The following LRP12 variants were observed in gnomAD, a reference collection of about 807,000 sequenced individuals.
The protein encoded by LRP12 is LDL receptor related protein 12, also known as low-density lipoprotein receptor-related protein 12.
A neutral mutation model predicts 66.0 loss-of-function variants in LRP12; 14 were observed. That is an observed-to-expected ratio of 0.21 (90% CI 0.14 to 0.33). The LOEUF is 0.33. Ranked by LOEUF, LRP12 falls within the 10% of genes least tolerant of loss-of-function variation. The pLI is 1.00. For missense variants in LRP12, 889 were observed against 1,053.4 expected (o/e 0.84, Z 2.16); for synonymous variants, 357 against 359.1 (o/e 0.99, Z 0.07).
chr8:104,554,684 A>G (rs565337485), intron 1 of LRP12, among the ~76,000 whole-genome samples: 1 of 152,304 alleles, frequency 6.6e-6, no homozygotes, highest in South Asian at 2.1e-4. Flanking sequence ...TAGAAATCTG[A>G]AAGTTTGGAA....
chr8:104,547,871 T>A (rs994807989), intron 1 of LRP12, among the ~76,000 whole-genome samples: 25 of 129,252 alleles, frequency 1.9e-4, no homozygotes, highest in African/African-American at 6.6e-4. Flanking sequence ...AATATACAAT[T>A]CTGTTATATT....
At chr8:104,521,080 T>C (rs1168686489) in intron 2 of LRP12, among the ~76,000 whole-genome samples, 1 of 152,174 alleles carries the variant, frequency 6.6e-6, no homozygotes, top group East Asian at 1.9e-4. Flanking sequence ...TATTATAACA[T>C]ACAATGAGTA....
chr8:104,547,958 A>G (rs541891195), intron 1 of LRP12, among the ~76,000 whole-genome samples: 1 of 120,504 alleles, frequency 8.3e-6, no homozygotes, highest in Admixed American at 9.5e-5. Flanking sequence ...TGTATATACC[A>G]TTGTTATATT....
chr8:104,528,614 A>C (rs1811280578), intron 2 of LRP12, among the ~76,000 whole-genome samples: 3 of 152,116 alleles, frequency 2.0e-5, no homozygotes, highest in African/African-American at 7.2e-5. Flanking sequence ...GTCTCTATTA[A>C]AAATACAAAA....
intron 1 of LRP12, among the ~76,000 whole-genome samples, chr8:104,548,294 T>A (rs1256955436): frequency 1.6e-5 from 1 of 62,528 alleles, no homozygotes; most frequent in Non-Finnish European, 2.5e-5. Context: ...ATATCATATA[T>A]TTATATAATA....
chr8:104,561,645 T>C (rs182337007), intron 1 of LRP12, among the ~76,000 whole-genome samples: 5 of 152,300 alleles, frequency 3.3e-5, no homozygotes, highest in Non-Finnish European at 2.9e-5. Flanking sequence ...TGGTGTGTAT[T>C]TGTGTTCCTT....
At chr8:104,542,037 A>G (rs1228174544) in intron 1 of LRP12, among the ~76,000 whole-genome samples, 1 of 152,174 alleles carries the variant, frequency 6.6e-6, no homozygotes, top group African/African-American at 2.4e-5. Flanking sequence ...GGTGGGTCAT[A>G]TGGTATCCCT....
rs60575027 is a variant in LRP12, at chr8:104,528,654, A to G, written c.136+3253T>C. Reference sequence around the variant, plus strand: ...GCTGGGCGTGGTGGCGCACACCTGTAGTCCCAGCTACTTGGGAGACTGGGG... The same window carrying G: ...GCTGGGCGTGGTGGCGCACACCTGTGGTCCCAGCTACTTGGGAGACTGGGG... On this transcript the variant is annotated intron_variant, in intron 2 of 6. Transcript: ENST00000276654. Among the ~76,000 whole-genome samples the G allele has an allele frequency of 6.8e-3, 1,014 of 148,390 alleles. 7 individuals carry two copies. Among genetic ancestry groups the G allele is most frequent in the African/African-American group, 0.025 (955 of 38,024 alleles).
chr8:104,575,610 GAAA>G (rs200974931), intron 1 of LRP12, among the ~76,000 whole-genome samples: 4 of 150,718 alleles, frequency 2.7e-5, no homozygotes, highest in African/African-American at 9.8e-5. Flanking sequence ...GGATAAAAGG[GAAA>G]AAAAAATCCA....
chr8:104,588,867 G>C lies in LRP12; in HGVS notation c.31C>G (p.Pro11Ala). ...AAGAGCAACGCAGACCTCCACCGCG[G>C]AGACTCTTTTGTGCTCCAGCGACAG... MACRWSTKES[P>A]RWRSALLLLF... The change falls in exon 1 of 7, where the codon CCG (proline) becomes GCG (alanine). Residue 11 changes from proline to alanine, a missense_variant. Physicochemically the swap from Pro to Ala is conservative, Grantham distance 27. Around this residue, in one of 3 missense-constraint regions of LRP12, gnomAD observed 88 missense variants for 72.5 expected, o/e 1.21. Transcript: ENST00000276654. 6.2e-7 allele frequency: 1 copy of C among 1,611,824 alleles called. No homozygotes were observed. The highest frequency in any genetic ancestry group is 1.3e-5 in the African/African-American group (1 of 74,998).
intron 1 of LRP12, among the ~76,000 whole-genome samples, chr8:104,544,572 G>GA (rs1378336875): frequency 6.6e-6 from 1 of 152,170 alleles, no homozygotes; most frequent in Non-Finnish European, 1.5e-5. Context: ...ACTTTAAGTT[G>GA]AAGCTAATGA....
chr8:104,522,484 A>G (rs1344329706), intron 2 of LRP12, among the ~76,000 whole-genome samples: 1 of 152,130 alleles, frequency 6.6e-6, no homozygotes, highest in African/African-American at 2.4e-5. Context: ...AAACTTCCTA[A>G]GTAAATATTC....
chr8:104,500,737 A>C (rs145470575), intron 3 of LRP12, among the ~76,000 whole-genome samples: 8 of 152,318 alleles, frequency 5.3e-5, no homozygotes, highest in East Asian at 3.9e-4. Context: ...CAAACAAAAC[A>C]AAACCCTTAT....
At chr8:104,536,806 C>A (rs1811398557) in intron 1 of LRP12, among the ~76,000 whole-genome samples, 4 of 151,446 alleles carry the variant, frequency 2.6e-5, no homozygotes, top group Non-Finnish European at 2.9e-5. Context: ...TTGGAAAACC[C>A]AAGACAGTCA....
chr8:104,571,142 G>T (rs1459010278), intron 1 of LRP12, among the ~76,000 whole-genome samples: 1 of 152,154 alleles, frequency 6.6e-6, no homozygotes, highest in Non-Finnish European at 1.5e-5. Flanking sequence ...AGTCACTCTG[G>T]AAAACGGTTT....
At chr8:104,534,716 A>T (rs868563615) in intron 1 of LRP12, among the ~76,000 whole-genome samples, 1 of 151,984 alleles carries the variant, frequency 6.6e-6, no homozygotes, top group Admixed American at 6.6e-5. Context: ...TTAACATCAA[A>T]GTGATGTTTC....
intron 1 of LRP12, among the ~76,000 whole-genome samples, chr8:104,548,184 A>ATATAT (rs1491313841): frequency 1.1e-5 from 1 of 92,418 alleles, no homozygotes; most frequent in Admixed American, 1.5e-4. Context: ...ATAATATATA[A>ATATAT]TATATATATA....
chr8:104,518,854 AG>A (rs748504613), intron 2 of LRP12, among the ~76,000 whole-genome samples: 1 of 152,048 alleles, frequency 6.6e-6, no homozygotes, highest in Non-Finnish European at 1.5e-5. Flanking sequence ...GTGGAGGCTG[AG>A]GGAGACATTT....
At chr8:104,549,313 CT>C (rs1457625641) in intron 1 of LRP12, among the ~76,000 whole-genome samples, 10 of 151,954 alleles carry the variant, frequency 6.6e-5, no homozygotes, top group African/African-American at 1.5e-4. Flanking sequence ...GCTTTTACCC[CT>C]AGCACATCTG....
Sources: gnomAD v4.1 joint callset for allele counts (sites outside exome capture counted in the v4.1 genomes callset) on GRCh38, gnomAD v4.1.1 for gene constraint, gnomAD v4.1.1 regional missense constraint, MANE v1.5 for transcripts, NCBI Gene and HGNC (gene_info 2026-07-23, HGNC 2026-07-21) for gene names.